CORIN: variants seen among roughly 807,000 people sequenced by gnomAD.
The protein encoded by CORIN is corin, serine peptidase, also known as atrial natriuretic peptide-converting enzyme.
In CORIN, 117 loss-of-function variants were observed where a neutral mutation model predicts 125.3. The observed-to-expected ratio is 0.93, with a 90% CI of 0.80 to 1.09. The LOEUF is 1.09. Ranked by LOEUF, CORIN falls within the 50% of genes least tolerant of loss-of-function variation. The pLI is 0.00. For synonymous variants in CORIN, 450 were observed against 466.4 expected (o/e 0.96, Z 0.45); for missense variants, 1,253 against 1,306.7 (o/e 0.96, Z 0.63).
At chr4:47,624,035 C>T (rs1689891774) in intron 17 of CORIN, 87 bp from the exon 18 acceptor site, 1 of 1,085,110 alleles carries the variant, frequency 9.2e-7, no homozygotes, top group Admixed American at 1.9e-5. Context: ...TACAAGACAG[C>T]TCCAACTGTT....
chr4:47,791,686 A>C (rs1264528586), intron 2 of CORIN, among the ~76,000 whole-genome samples: 1 of 152,208 alleles, frequency 6.6e-6, no homozygotes, highest in East Asian at 1.9e-4. Flanking sequence ...CACACTTTTC[A>C]TTCTGGACAA....
rs1286521304 is a variant in CORIN, at chr4:47,623,907, G to C, written c.2357C>G (p.Thr786Ser). Residue 786 changes from threonine to serine, a missense_variant, in exon 18 of 22, where the codon ACT (threonine) becomes AGT (serine). Coordinates refer to ENST00000273857, the MANE Select transcript of CORIN (RefSeq NM_006587.4). Reference protein sequence around the residue: ...ESRSKISLLCTKQDCGRRPAA... With the variant: ...ESRSKISLLCSKQDCGRRPAA... ...ACCTCTAATTCTCTCACCTTGTTTAGTACACAGAAGAGAAATTTTACTTCT... is the reference window on the plus strand; with the variant it reads ...ACCTCTAATTCTCTCACCTTGTTTACTACACAGAAGAGAAATTTTACTTCT... 6.2e-7 allele frequency: 1 copy of C among 1,613,654 alleles called. No homozygotes were observed. Among genetic ancestry groups the C allele is most frequent in the Admixed American group, 1.7e-5 (1 of 59,994 alleles).
At chr4:47,678,784 T>C (rs1342700420) in intron 8 of CORIN, among the ~76,000 whole-genome samples, 1 of 152,114 alleles carries the variant, frequency 6.6e-6, no homozygotes, top group Non-Finnish European at 1.5e-5. Flanking sequence ...ACTAATATTA[T>C]GACCTCTCTG....
At chr4:47,634,694 C>A (rs549340812) in intron 16 of CORIN, among the ~76,000 whole-genome samples, 3 of 152,192 alleles carry the variant, frequency 2.0e-5, no homozygotes, top group South Asian at 2.1e-4. Context: ...GTTGAAGAAA[C>A]AAGTATCCCA....
At chr4:47,700,273 GT>G (rs1726225539) in intron 5 of CORIN, among the ~76,000 whole-genome samples, 2 of 152,132 alleles carry the variant, frequency 1.3e-5, no homozygotes. Context: ...ACTTTTAGGG[GT>G]AGAGGGGGAC....
intron 3 of CORIN, among the ~76,000 whole-genome samples, chr4:47,773,077 G>C (rs1421596744): frequency 6.6e-6 from 1 of 151,906 alleles, no homozygotes. Flanking sequence ...TACGTATTGA[G>C]TCTCTACTAT....
chr4:47,798,776 G>C (rs1209895988), intron 2 of CORIN, among the ~76,000 whole-genome samples: 3 of 152,032 alleles, frequency 2.0e-5, no homozygotes, highest in Non-Finnish European at 2.9e-5. Context: ...TGAGGATTGG[G>C]ATACAAATGA....
chr4:47,642,821 A>T, intron 15 of CORIN: 3 of 1,448,124 alleles, frequency 2.1e-6, no homozygotes, highest in Non-Finnish European at 2.7e-6. Flanking sequence ...TGACAAAAGA[A>T]TGGCAGACTA....
At chr4:47,786,585 G>T in intron 3 of CORIN, 140 bp downstream of exon 3, 1 of 663,596 alleles carries the variant, frequency 1.5e-6, no homozygotes, top group Non-Finnish European at 2.6e-6. Context: ...AGGGCACTCA[G>T]CTACGCTTAC....
chr4:47,602,881 T>C (rs1721498912), intron 20 of CORIN, among the ~76,000 whole-genome samples: 1 of 152,076 alleles, frequency 6.6e-6, no homozygotes, highest in Non-Finnish European at 1.5e-5. Flanking sequence ...AGCTTTTGGG[T>C]CTGGGTACTG....
intron 12 of CORIN, among the ~76,000 whole-genome samples, chr4:47,655,930 T>C (rs1198391012): frequency 6.6e-6 from 1 of 151,098 alleles, no homozygotes; most frequent in Non-Finnish European, 1.5e-5. Context: ...TAGTACCAAT[T>C]CTGCTCAAAC....
At chr4:47,754,305 G>C (rs114457192) in intron 4 of CORIN, among the ~76,000 whole-genome samples, 3 of 152,072 alleles carry the variant, frequency 2.0e-5, no homozygotes, top group Non-Finnish European at 4.4e-5. Flanking sequence ...GTTGAAAAGG[G>C]AACTTTGCTA....
chr4:47,657,151 G>A (rs888001371), intron 12 of CORIN, among the ~76,000 whole-genome samples: 10 of 152,148 alleles, frequency 6.6e-5, no homozygotes, highest in African/African-American at 2.4e-4. Flanking sequence ...AGAATGGAAA[G>A]ATAATCCATG....
intron 3 of CORIN, among the ~76,000 whole-genome samples, chr4:47,765,521 T>C (rs766129953): frequency 3.3e-5 from 5 of 152,162 alleles, no homozygotes; most frequent in Admixed American, 2.6e-4. Context: ...AGATGTACAA[T>C]AGATTCCCAG....
intron 19 of CORIN, among the ~76,000 whole-genome samples, chr4:47,612,884 G>A (rs1342776190): frequency 2.0e-5 from 3 of 152,202 alleles, no homozygotes; most frequent in Admixed American, 6.5e-5. Flanking sequence ...CTAGCCGTCG[G>A]TGATAAAATT....
intron 8 of CORIN, among the ~76,000 whole-genome samples, chr4:47,679,322 C>T (rs193106172): frequency 4.6e-5 from 7 of 151,802 alleles, no homozygotes; most frequent in African/African-American, 1.2e-4. Context: ...TTCATTCACA[C>T]AGAAACACAA....
rs1360158986 is a variant in CORIN, at chr4:47,641,942, C to T, written c.2176G>A (p.Ala726Thr). The change falls in exon 16 of 22, where the codon GCC becomes ACC. Residue 726 changes from alanine (A) to threonine (T), a missense_variant. Transcript: ENST00000273857. Reference sequence around the variant, plus strand: ...TACCCTAAACCCATCTGCTTGCAGGCCAGCTGACTCAATATCTCCTGCCAG... The same window carrying T: ...TACCCTAAACCCATCTGCTTGCAGGTCAGCTGACTCAATATCTCCTGCCAG... The part of the protein sequence containing the change: ...DGWQEILSQL[A>T]CKQMGLGEPS... 6.2e-7 allele frequency: 1 copy of T among 1,613,436 alleles called. No individual in the cohort carries two copies.
chr4:47,726,770 A>C (rs1179437709), intron 5 of CORIN, among the ~76,000 whole-genome samples: 1 of 152,110 alleles, frequency 6.6e-6, no homozygotes, highest in Non-Finnish European at 1.5e-5. Context: ...AAGTTTTGAC[A>C]TTGAAGACTG....
At chr4:47,717,353 T>C (rs1727138762) in intron 5 of CORIN, among the ~76,000 whole-genome samples, 1 of 152,188 alleles carries the variant, frequency 6.6e-6, no homozygotes, top group Admixed American at 6.5e-5. Flanking sequence ...TCTTATCAAA[T>C]GCAGACTCCC....
Sources: gnomAD v4.1 joint callset for allele counts (sites outside exome capture counted in the v4.1 genomes callset) on GRCh38, gnomAD v4.1.1 for gene constraint, MANE v1.5 for transcripts, NCBI Gene and HGNC (gene_info 2026-07-23, HGNC 2026-07-21) for gene names.